The following DIP2B variants were observed in gnomAD, a reference collection of about 807,000 sequenced individuals.
DIP2B encodes DIP2 acetate--CoA ligase B (putative).
Under a neutral mutation model 198.0 loss-of-function variants are expected in DIP2B, and 76 were observed. The observed-to-expected ratio is 0.38, with a 90% CI of 0.32 to 0.46. DIP2B has a LOEUF of 0.46. Among genes scored for constraint, DIP2B ranks in the 20% least tolerant of loss-of-function variants. The pLI, the probability that DIP2B is intolerant of heterozygous loss-of-function variation, is 0.99. For synonymous variants in DIP2B, 701 were observed against 739.1 expected (o/e 0.95, Z 0.84); for missense variants, 1,559 against 1,978.4 (o/e 0.79, Z 4.02).
At chr12:50,743,840 G>A (rs1165287577) in intron 37 of DIP2B, among the ~76,000 whole-genome samples, 2 of 152,316 alleles carry the variant, frequency 1.3e-5, no homozygotes, top group East Asian at 1.9e-4. Context: ...TAGAAACAAG[G>A]GAATGGTAAG....
intron 1 of DIP2B, among the ~76,000 whole-genome samples, chr12:50,607,013 G>T (rs184589576): frequency 1.5e-3 from 231 of 151,802 alleles, no homozygotes; most frequent in Middle Eastern, 6.8e-3. Flanking sequence ...TATGTTGCCC[G>T]CAGTGGTAGT....
At chr12:50,662,436 A>G (rs990679441) in intron 4 of DIP2B, among the ~76,000 whole-genome samples, 1 of 152,228 alleles carries the variant, frequency 6.6e-6, no homozygotes, top group Admixed American at 6.5e-5. Flanking sequence ...CCTAAGACAA[A>G]TACTTTGCTC....
At chr12:50,706,425 A>G in intron 20 of DIP2B, 113 bp from the exon 21 acceptor site, 1 of 1,246,030 alleles carries the variant, frequency 8.0e-7, no homozygotes, top group South Asian at 1.5e-5. Flanking sequence ...AAAATATGGC[A>G]GTTGTGTTTT....
intron 1 of DIP2B, among the ~76,000 whole-genome samples, chr12:50,534,894 CT>C (rs1212428149): frequency 1.3e-5 from 2 of 152,102 alleles, no homozygotes; most frequent in African/African-American, 2.4e-5. Context: ...ATGATTAGAT[CT>C]GTTTATCAAA....
intron 1 of DIP2B, among the ~76,000 whole-genome samples, chr12:50,517,179 A>G (rs1007618556): frequency 6.6e-6 from 1 of 151,930 alleles, no homozygotes; most frequent in Non-Finnish European, 1.5e-5. Flanking sequence ...TTGGCCTCCC[A>G]AAGTGCTGGG....
At chr12:50,612,967 A>G (rs1295973215) in intron 1 of DIP2B, among the ~76,000 whole-genome samples, 1 of 152,158 alleles carries the variant, frequency 6.6e-6, no homozygotes, top group Non-Finnish European at 1.5e-5. Context: ...ATAACTAAAA[A>G]CATTCTGTTC....
intron 1 of DIP2B, among the ~76,000 whole-genome samples, chr12:50,524,007 G>C (rs1958141939): frequency 6.6e-6 from 1 of 152,052 alleles, no homozygotes; most frequent in Non-Finnish European, 1.5e-5. Flanking sequence ...GCTGTCAAAG[G>C]AAAAATATTT....
intron 21 of DIP2B, 138 bp downstream of exon 21, chr12:50,706,803 CT>C (rs200344620): frequency 2.7e-3 from 2,250 of 836,468 alleles, no homozygotes; most frequent in South Asian, 4.7e-3. Context: ...ATAAGCCTGG[CT>C]TTTTTTTTTC....
intron 2 of DIP2B, among the ~76,000 whole-genome samples, chr12:50,638,913 A>G (rs974680354): frequency 6.6e-5 from 10 of 151,840 alleles, no homozygotes; most frequent in African/African-American, 1.9e-4. Flanking sequence ...ACCATCTGAA[A>G]TCTGAAAATT....
At chr12:50,635,797 T>C (rs953790741) in intron 2 of DIP2B, among the ~76,000 whole-genome samples, 3 of 152,224 alleles carry the variant, frequency 2.0e-5, no homozygotes, top group Non-Finnish European at 4.4e-5. Flanking sequence ...ATACAACTTA[T>C]ATGAATTGGA....
Position 50,671,325 on chromosome 12 carries a change from T to A in DIP2B, c.567T>A (p.Ser189=). 1 of 1,614,192 alleles carries A rather than the reference T, an allele frequency of 6.2e-7. No homozygotes were observed. Among genetic ancestry groups the A allele is most frequent in the South Asian group, 1.1e-5 (1 of 91,078 alleles). The change falls in exon 5 of 38, where the codon TCT becomes TCA. Residue 189 remains serine (S), a synonymous_variant. Transcript: ENST00000301180. ...GATCGTCCACTTCTTCATCCGCATC[T>A]TCTACGCTGTCCCACGGAGAGGTCA... ...IQGSSTSSSA[S]STLSHGEVKG... is the part of the protein sequence containing the mutation.
rs539680129 is a variant in DIP2B at position 50,579,104 on chromosome 12, A to G, written c.101-46872A>G. On this transcript the variant is annotated intron_variant, in intron 1 of 37. Transcript: ENST00000301180. ...TGTTGTGTCAAGGAAAAACATTTGT[A>G]CAATTGTTTGAGAGTTGTGAGCTGA... Among the ~76,000 whole-genome samples the G allele has an allele frequency of 5.3e-5, 8 of 152,294 alleles. No individual in the cohort carries two copies. The South Asian group carries it at 1.4e-3, about 28-fold the overall frequency.
At chr12:50,738,408 GTTTGAGGCCACTCCAC>G (rs1280320424) in intron 35 of DIP2B, among the ~76,000 whole-genome samples, 4 of 152,156 alleles carry the variant, frequency 2.6e-5, no homozygotes, top group South Asian at 2.1e-4. Flanking sequence ...TGAAGCAGGA[GTTTGAGGCCACTCCAC>G]TTTGAGGCCA....
intron 1 of DIP2B, among the ~76,000 whole-genome samples, chr12:50,541,788 G>T (rs1958328140): frequency 6.7e-6 from 1 of 148,252 alleles, no homozygotes; most frequent in South Asian, 2.2e-4. Flanking sequence ...GATCACTTGA[G>T]GCCGGGAATT....
At chr12:50,587,628 A>G (rs746140596) in intron 1 of DIP2B, among the ~76,000 whole-genome samples, 1 of 152,110 alleles carries the variant, frequency 6.6e-6, no homozygotes, top group Non-Finnish European at 1.5e-5. Flanking sequence ...TACTTTCTCC[A>G]TTTTCAATTT....
rs916376132 is a variant in DIP2B at position 50,581,011 on chromosome 12, G to A, written c.101-44965G>A. ...TGCATTATGAATTCAGTTTTACTTT[G>A]TATATTAACTAGAATTGTGGTTTTA... On this transcript the variant is annotated intron_variant, in intron 1 of 37. Coordinates refer to ENST00000301180, the MANE Select transcript of DIP2B (RefSeq NM_173602.3). Among the ~76,000 whole-genome samples the A allele has an allele frequency of 6.0e-5, 9 of 149,126 alleles. 1 individual carries two copies. Among genetic ancestry groups the A allele is most frequent in the African/African-American group, 1.5e-4 (6 of 40,770 alleles).
Position 50,660,257 on chromosome 12 carries a change from C to G in DIP2B, c.365C>G (p.Pro122Arg). ...CATAAAGAACAGAAGATGGCTTTGCCCATGCCAACCAAAAGGCGATCCACA... is the reference window on the plus strand; with the variant it reads ...CATAAAGAACAGAAGATGGCTTTGCGCATGCCAACCAAAAGGCGATCCACA... ...AKHKEQKMAL[P>R]MPTKRRSTFV... The change falls in exon 4 of 38, where the codon CCC (proline) becomes CGC (arginine). Residue 122 changes from proline (P) to arginine (R), a missense_variant. Transcript: ENST00000301180. 1 of 1,613,222 alleles carries G rather than the reference C, an allele frequency of 6.2e-7. No individual in the cohort carries two copies. The highest frequency in any genetic ancestry group is 8.5e-7 in the Non-Finnish European group (1 of 1,179,590).
chr12:50,716,958 C>CTTTTTTTTTCTTTTT (rs1939732467), intron 23 of DIP2B, among the ~76,000 whole-genome samples: 1 of 58,924 alleles, frequency 1.7e-5, no homozygotes, highest in Non-Finnish European at 3.0e-5. Context: ...CGAATTGTTG[C>CTTTTTTTTTCTTTTT]TTTTTTTTTT....
At chr12:50,528,633 T>G (rs926623939) in intron 1 of DIP2B, among the ~76,000 whole-genome samples, 1 of 152,118 alleles carries the variant, frequency 6.6e-6, no homozygotes, top group South Asian at 2.1e-4. Flanking sequence ...AGGATGATAG[T>G]TTAAGCCATG....
Sources: allele counts gnomAD v4.1 joint callset (sites outside exome capture counted in the v4.1 genomes callset), GRCh38; gene constraint gnomAD v4.1.1; transcripts MANE v1.5; gene names NCBI Gene and HGNC (gene_info 2026-07-23, HGNC 2026-07-21).